The following SRCAP variants were observed in gnomAD, a reference collection of about 807,000 sequenced individuals.
SRCAP encodes chromatin remodeling protein SRCAP.
SRCAP carries 46 observed loss-of-function variants against 263.1 expected under a neutral mutation model. The observed-to-expected ratio is 0.17, with a 90% CI of 0.14 to 0.22. SRCAP has a LOEUF of 0.22. Ranked by LOEUF, SRCAP falls within the 10% of genes least tolerant of loss-of-function variation. SRCAP has a pLI of 1.00. For synonymous variants in SRCAP, 1,813 were observed against 1,662.1 expected (o/e 1.09, Z -2.21); for missense variants, 3,695 against 4,181.9 (o/e 0.88, Z 3.21).
At chr16:30,727,584 C>T (rs2151295791) in intron 25 of SRCAP, among the ~76,000 whole-genome samples, 1 of 152,206 alleles carries the variant, frequency 6.6e-6, no homozygotes, top group South Asian at 2.1e-4. Context: ...GATGGAGACT[C>T]ACTCTGTCAC....
intron 31 of SRCAP, among the ~76,000 whole-genome samples, chr16:30,735,515 C>G (rs908467575): frequency 6.0e-5 from 9 of 148,980 alleles, no homozygotes; most frequent in Non-Finnish European, 1.0e-4. Flanking sequence ...AGTATTTCCA[C>G]TTAAGAGAAG....
At chr16:30,719,264 G>A (rs2052985964) in intron 18 of SRCAP, among the ~76,000 whole-genome samples, 1 of 151,718 alleles carries the variant, frequency 6.6e-6, no homozygotes, top group African/African-American at 2.4e-5. Context: ...CACCCAGGCT[G>A]GAGTGCAGTG....
chr16:30,728,907 C>T (rs2053087464), intron 25 of SRCAP, 59 bp from the exon 26 acceptor site: 2 of 1,523,000 alleles, frequency 1.3e-6, no homozygotes, highest in Admixed American at 2.1e-5. Context: ...GAAGAACAGT[C>T]AGGTTTTGAT....
chr16:30,703,106 A>G (rs1429843975), intron 3 of SRCAP, among the ~76,000 whole-genome samples: 1 of 151,808 alleles, frequency 6.6e-6, no homozygotes, highest in Non-Finnish European at 1.5e-5. Context: ...TATGTGCATG[A>G]AATCACTGAG....
At chr16:30,735,925 T>G (rs1253837430) in intron 31 of SRCAP, among the ~76,000 whole-genome samples, 1 of 151,946 alleles carries the variant, frequency 6.6e-6, no homozygotes, top group African/African-American at 2.4e-5. Context: ...CTTTTTTTTT[T>G]TTTTGAGAGC....
intron 15 of SRCAP, 58 bp from the exon 16 acceptor site, chr16:30,713,461 T>C: frequency 6.2e-7 from 1 of 1,611,324 alleles, no homozygotes; most frequent in African/African-American, 1.3e-5. Flanking sequence ...ATCAGAATGC[T>C]CAGAAGGTTG....
chr16:30,734,451 T>G (rs781345529), intron 30 of SRCAP, 45 bp from the exon 31 acceptor site: 3 of 1,611,914 alleles, frequency 1.9e-6, no homozygotes, highest in Non-Finnish European at 2.5e-6. Flanking sequence ...GACCTAAGAC[T>G]AGCATTCTGT....
At chr16:30,721,588 T>C in intron 21 of SRCAP, 112 bp downstream of exon 21, 1 of 1,402,010 alleles carries the variant, frequency 7.1e-7, no homozygotes, top group Non-Finnish European at 9.5e-7. Context: ...ATGCCTATAA[T>C]CCCGGTGCTT....
At chr16:30,703,671 C>T (rs1424365725) in intron 3 of SRCAP, among the ~76,000 whole-genome samples, 6 of 151,362 alleles carry the variant, frequency 4.0e-5, no homozygotes, top group South Asian at 4.2e-4. Context: ...CTGAGGTGGG[C>T]GGATCATGAG....
chr16:30,724,335 T>C lies in SRCAP; in HGVS notation c.4911T>C (p.Thr1637=). Residue 1637 remains threonine, a synonymous_variant, in exon 25 of 34, where the codon ACT becomes ACC. Coordinates refer to ENST00000262518, the MANE Select transcript of SRCAP (RefSeq NM_006662.3). ...TTCCAGTTATGGCTCCATCGTCTAC[T>C]CCAGGAACCTCTTTAGCCTCAGCTT... ...TPVPVMAPSS[T]PGTSLASASP... 6.2e-7 allele frequency: 1 copy of C among 1,614,108 alleles called. No individual in the cohort carries two copies. The highest frequency in any genetic ancestry group is 8.5e-7 in the Non-Finnish European group (1 of 1,180,022).
At chr16:30,726,660 G>A (rs1372513604) in intron 25 of SRCAP, among the ~76,000 whole-genome samples, 8 of 151,704 alleles carry the variant, frequency 5.3e-5, no homozygotes, top group Admixed American at 5.3e-4. Context: ...TGGGATTACA[G>A]GCATGTGGCA....
At chr16:30,706,533 ACAAT>A (rs1022671288) in intron 4 of SRCAP, among the ~76,000 whole-genome samples, 2 of 152,240 alleles carry the variant, frequency 1.3e-5, no homozygotes, top group Non-Finnish European at 2.9e-5. Context: ...TAAATAAAAG[ACAAT>A]CAGTGTAGAA....
In SRCAP at chr16:30,725,014, G is replaced by GCT; in HGVS notation, c.5591_5592dup (p.Thr1865LeufsTer103). 6.2e-7 allele frequency: 1 copy of GCT among 1,613,864 alleles called. No individual in the cohort carries two copies. Among genetic ancestry groups the GCT allele is most frequent in the Non-Finnish European group, 8.5e-7 (1 of 1,179,936 alleles). On this transcript the variant is annotated frameshift_variant, in exon 25 of 34. Transcript: ENST00000262518. LOFTEE classifies it high-confidence loss of function. ...TGGTCCCCCCAGCCCTCCCTCCACT[G>GCT]CTACCTCGTTTGGTGGCCCCCGGCC...
chr16:30,725,101 A>C lies in SRCAP; in HGVS notation c.5658+19A>C. 1 of 1,585,532 alleles carries C rather than the reference A, an allele frequency of 6.3e-7. No individual in the cohort carries two copies. The highest frequency in any genetic ancestry group is 8.6e-7 in the Non-Finnish European group (1 of 1,165,252). The stretch of plus-strand genomic sequence containing the variant: ...TTATCTGGTAAGTTTTACTTCCTCA[A>C]GAGGGAACAGGAAGTTGAGTTTCTT... On this transcript the variant is annotated intron_variant, in intron 25 of 33. Coordinates refer to ENST00000262518, the MANE Select transcript of SRCAP (RefSeq NM_006662.3).
Position 30,739,889 on chromosome 16 carries a change from CTGGTTGT to C in SRCAP, c.*157_*163del. ...TCCCACCAAAGTAGGGGGTAGGCAA[CTGGTTGT>C]CATGGAAATGGGGATCATCACAGTC... is the stretch of plus-strand genomic sequence containing the variant. On this transcript the variant is annotated 3_prime_UTR_variant, in exon 34 of 34. Transcript: ENST00000262518. 8.2e-7 allele frequency: 1 copy of C among 1,223,288 alleles called. No individual in the cohort carries two copies. 75.8% of individuals were successfully genotyped at this position (1,223,288 alleles called of 1,614,324 possible).
At position 30,730,818 on chromosome 16, in the gene SRCAP, C is replaced by T. The variant is rs755979324; in HGVS notation, c.6127+1246C>T. Among the ~76,000 whole-genome samples the T allele has an allele frequency of 2.0e-5, 3 of 151,338 alleles. No homozygotes were observed. In the South Asian group the frequency reaches 6.3e-4, roughly 32 times the overall value. Reference sequence around the variant, plus strand: ...GAGTAGCTGGGATTACAGGTGCCCACCACAACGCCTGGGTGATTTTTTTGT... The same window carrying T: ...GAGTAGCTGGGATTACAGGTGCCCATCACAACGCCTGGGTGATTTTTTTGT... On this transcript the variant is annotated intron_variant, in intron 27 of 33. Coordinates refer to ENST00000262518, the MANE Select transcript of SRCAP (RefSeq NM_006662.3).
In SRCAP at chr16:30,739,269, C is replaced by A. The variant is rs143133981; in HGVS notation, c.9229C>A (p.Arg3077=). ...CCTTCGGCTTGAAGCAGAAGGAATGCGAGGACGGAAGAGTGGAGGGTCCAT... is the reference window on the plus strand; with the variant it reads ...CCTTCGGCTTGAAGCAGAAGGAATGAGAGGACGGAAGAGTGGAGGGTCCAT... ...ARLRLEAEGM[R]GRKSGGSMVV... is the part of the protein sequence containing the mutation. The change falls in exon 34 of 34, where the codon CGA becomes AGA. Residue 3077 remains arginine, a synonymous_variant. Transcript: ENST00000262518. 1,184 of 1,613,936 alleles carry A rather than the reference C, an allele frequency of 7.3e-4. 6 individuals are homozygous for A. The Middle Eastern group carries it at 8.4e-3, about 11-fold the overall frequency.
At chr16:30,708,438 T>C (rs2052851289) in intron 6 of SRCAP, among the ~76,000 whole-genome samples, 1 of 152,152 alleles carries the variant, frequency 6.6e-6, no homozygotes, top group African/African-American at 2.4e-5. Context: ...TCTCACCCCG[T>C]CACCTAGGGC....
rs151230923 is a variant in SRCAP, at chr16:30,723,646, C to T, written c.4222C>T (p.Pro1408Ser). 1 of 1,613,766 alleles carries T rather than the reference C, an allele frequency of 6.2e-7. No individual in the cohort carries two copies. ...TCCTCTCCACGTGCCATCCTCCCTC[C>T]CTGGGCCAGCCTCTTCTCCAATGCC... ...SSPLHVPSSLPGPASSPMPIP... is the reference protein window; with the variant it reads ...SSPLHVPSSLSGPASSPMPIP... Residue 1408 changes from proline to serine, a missense_variant, in exon 25 of 34, where the codon CCT (proline) becomes TCT (serine). By Grantham distance (74) the Pro-to-Ser change is moderately conservative (BLOSUM62 -1). Transcript: ENST00000262518.
Sources: allele counts gnomAD v4.1 joint callset (sites outside exome capture counted in the v4.1 genomes callset), GRCh38; gene constraint gnomAD v4.1.1; transcripts MANE v1.5; gene names NCBI Gene and HGNC (gene_info 2026-07-23, HGNC 2026-07-21).